The following SNTG1 variants were observed in gnomAD, a reference collection of about 807,000 sequenced individuals.
SNTG1 encodes the protein syntrophin gamma 1.
In SNTG1, 39 loss-of-function variants were observed where a neutral mutation model predicts 74.7. That is an observed-to-expected ratio of 0.52 (90% CI 0.40 to 0.68). SNTG1 has a LOEUF of 0.68. Ranked by LOEUF, SNTG1 falls within the 30% of genes least tolerant of loss-of-function variation. The pLI is 0.00. For synonymous variants in SNTG1, 254 were observed against 217.1 expected, an observed-to-expected ratio of 1.17 and a Z score of -1.49; for missense variants, 685 against 609.5, an observed-to-expected ratio of 1.12 and a Z score of -1.30.
In SNTG1 at chr8:50,377,540, T is replaced by G. The variant is rs190797996; in HGVS notation, c.-27-16672T>G. 1.2e-3 allele frequency among the ~76,000 whole-genome samples: 180 copies of G among 152,274 alleles called. 1 individual carries two copies. The highest frequency in any genetic ancestry group is 3.9e-3 in the African/African-American group (163 of 41,564). The stretch of plus-strand genomic sequence containing the variant: ...AATGTATTCATGAATTTTCAGAATT[T>G]TTTCTCCTCTAAGTGAAGAATCAAT... On this transcript the variant is annotated intron_variant, in intron 2 of 18. Transcript: ENST00000642720.
chr8:50,598,331 T>C (rs188325067), intron 13 of SNTG1, among the ~76,000 whole-genome samples: 2 of 151,928 alleles, frequency 1.3e-5, no homozygotes, highest in Non-Finnish European at 2.9e-5. Context: ...TTTCCCAACA[T>C]TGTTATTGAA....
intron 2 of SNTG1, among the ~76,000 whole-genome samples, chr8:50,349,884 G>A (rs1188881386): frequency 6.6e-6 from 1 of 152,144 alleles, no homozygotes; most frequent in Non-Finnish European, 1.5e-5. Flanking sequence ...GCCAAGGTAG[G>A]AGCCGGCTCC....
intron 1 of SNTG1, among the ~76,000 whole-genome samples, chr8:50,034,354 C>T (rs1433752111): frequency 1.3e-5 from 2 of 152,204 alleles, no homozygotes; most frequent in Non-Finnish European, 2.9e-5. Context: ...TTTTCTTAGA[C>T]TTGTTAACTG....
chr8:50,347,603 T>C (rs907014587), intron 2 of SNTG1, among the ~76,000 whole-genome samples: 2 of 152,192 alleles, frequency 1.3e-5, no homozygotes, highest in Non-Finnish European at 2.9e-5. Context: ...GCCAAGATAA[T>C]GATTCCTCCA....
intron 18 of SNTG1, among the ~76,000 whole-genome samples, chr8:50,754,350 C>T (rs1177485333): frequency 2.0e-5 from 3 of 151,892 alleles, no homozygotes; most frequent in Non-Finnish European, 4.4e-5. Flanking sequence ...CTCTACATCC[C>T]TGCAAGGTTT....
intron 18 of SNTG1, among the ~76,000 whole-genome samples, chr8:50,784,498 TATAAGC>T (rs2095669105): frequency 6.6e-6 from 1 of 152,162 alleles, no homozygotes; most frequent in South Asian, 2.1e-4. Flanking sequence ...ATATAACAAT[TATAAGC>T]ATATTTGATG....
intron 13 of SNTG1, among the ~76,000 whole-genome samples, chr8:50,617,474 G>A (rs1298030269): frequency 6.6e-6 from 1 of 151,958 alleles, no homozygotes; most frequent in East Asian, 1.9e-4. Flanking sequence ...GCTAAGCTGA[G>A]CTAAGAAAAT....
chr8:50,671,762 C>T (rs1411069755), intron 15 of SNTG1, among the ~76,000 whole-genome samples: 1 of 151,876 alleles, frequency 6.6e-6, no homozygotes, highest in Non-Finnish European at 1.5e-5. Flanking sequence ...TATTGCGGCA[C>T]TATTCACAAT....
At chr8:50,744,775 T>A (rs1480123604) in intron 17 of SNTG1, among the ~76,000 whole-genome samples, 1 of 151,912 alleles carries the variant, frequency 6.6e-6, no homozygotes, top group African/African-American at 2.4e-5. Flanking sequence ...TCAACAAGGG[T>A]GCCAAGACCA....
intron 2 of SNTG1, among the ~76,000 whole-genome samples, chr8:50,303,070 AAATT>A (rs1259378152): frequency 2.0e-5 from 3 of 152,224 alleles, no homozygotes; most frequent in Non-Finnish European, 4.4e-5. Flanking sequence ...AAAAACATTT[AAATT>A]AATTATATAG....
At chr8:50,761,684 C>G (rs2095599438) in intron 18 of SNTG1, among the ~76,000 whole-genome samples, 1 of 151,214 alleles carries the variant, frequency 6.6e-6, no homozygotes, top group Non-Finnish European at 1.5e-5. Context: ...TTGTGTATAT[C>G]TCCTCTACTT....
chr8:50,290,791 G>C (rs115824994), intron 2 of SNTG1, among the ~76,000 whole-genome samples: 3 of 151,920 alleles, frequency 2.0e-5, no homozygotes, highest in Admixed American at 6.6e-5. Flanking sequence ...CAGGGTCTCT[G>C]TTTGTCCCCC....
intron 1 of SNTG1, among the ~76,000 whole-genome samples, chr8:50,156,151 A>C (rs2082247822): frequency 6.6e-6 from 1 of 152,094 alleles, no homozygotes; most frequent in African/African-American, 2.4e-5. Flanking sequence ...CCTATACACA[A>C]AACACCCCCA....
At chr8:50,629,737 A>T (rs973347157) in intron 13 of SNTG1, among the ~76,000 whole-genome samples, 16 of 152,224 alleles carry the variant, frequency 1.1e-4, no homozygotes, top group Middle Eastern at 3.4e-3. Flanking sequence ...TATTTTAGTG[A>T]CTTCAGAGTC....
chr8:50,127,065 G>A (rs1385398040), intron 1 of SNTG1, among the ~76,000 whole-genome samples: 1 of 152,124 alleles, frequency 6.6e-6, no homozygotes. Context: ...CAATGGAACG[G>A]TGAAGACAGA....
intron 1 of SNTG1, among the ~76,000 whole-genome samples, chr8:50,095,074 T>G (rs549257862): frequency 6.6e-6 from 1 of 152,292 alleles, no homozygotes; most frequent in African/African-American, 2.4e-5. Flanking sequence ...AAATACCGCA[T>G]ATTCTCACTT....
intron 8 of SNTG1, among the ~76,000 whole-genome samples, chr8:50,468,076 T>C (rs2093623638): frequency 6.6e-6 from 1 of 151,862 alleles, no homozygotes; most frequent in South Asian, 2.1e-4. Context: ...CTTTTATAAA[T>C]TTTCCATATA....
At chr8:50,498,884 ATTG>A (rs1312195623) in intron 8 of SNTG1, among the ~76,000 whole-genome samples, 18 of 151,888 alleles carry the variant, frequency 1.2e-4, no homozygotes, top group African/African-American at 3.4e-4. Flanking sequence ...TTGTTGAAAA[ATTG>A]TTGTTTATTT....
intron 8 of SNTG1, among the ~76,000 whole-genome samples, chr8:50,487,582 C>A (rs1199037847): frequency 3.3e-5 from 5 of 150,522 alleles, no homozygotes; most frequent in African/African-American, 1.2e-4. Flanking sequence ...TAAACTATCG[C>A]AAGATCAAAA....
Sources: gnomAD v4.1 joint callset for allele counts (sites outside exome capture counted in the v4.1 genomes callset) on GRCh38, gnomAD v4.1.1 for gene constraint, MANE v1.5 for transcripts, NCBI Gene and HGNC (gene_info 2026-07-23, HGNC 2026-07-21) for gene names.